RGS12: variants seen among roughly 807,000 people sequenced by gnomAD.
RGS12 encodes the protein regulator of G-protein signaling 12.
Under a neutral mutation model 120.1 loss-of-function variants are expected in RGS12, and 66 were observed. The ratio of observed to expected loss-of-function variants is 0.55; its 90% CI spans 0.45 to 0.67. The LOEUF (loss-of-function observed/expected upper bound fraction) is 0.67. RGS12 is among the 30% of genes least tolerant of loss of function. RGS12 has a pLI of 0.00. For synonymous variants in RGS12, 827 were observed against 804.7 expected (o/e 1.03, Z -0.47); for missense variants, 1,859 against 1,957.7 (o/e 0.95, Z 0.95).
At chr4:3,375,853 A>G (rs1717631963) in intron 3 of RGS12, among the ~76,000 whole-genome samples, 1 of 152,098 alleles carries the variant, frequency 6.6e-6, no homozygotes, top group Non-Finnish European at 1.5e-5. Flanking sequence ...TGACTTTTAC[A>G]CTCATCTTTC....
chr4:3,403,096 G>A (rs1241154108), intron 4 of RGS12, among the ~76,000 whole-genome samples: 2 of 152,188 alleles, frequency 1.3e-5, no homozygotes, highest in African/African-American at 2.4e-5. Flanking sequence ...CTGCTCACTC[G>A]CATGGCCTCA....
chr4:3,296,721 C>G (rs1415305346), intron 1 of RGS12, among the ~76,000 whole-genome samples: 1 of 152,238 alleles, frequency 6.6e-6, no homozygotes, highest in Non-Finnish European at 1.5e-5. Flanking sequence ...TGCCTCTTCT[C>G]TGGGATGGGC....
intron 4 of RGS12, among the ~76,000 whole-genome samples, chr4:3,411,050 C>T (rs562340755): frequency 1.3e-5 from 2 of 152,306 alleles, no homozygotes; most frequent in South Asian, 4.2e-4. Flanking sequence ...TGTCTTCCTT[C>T]CGGAGGCTTT....
intron 1 of RGS12, among the ~76,000 whole-genome samples, chr4:3,309,785 T>C (rs374927477): frequency 0.11 from 6,563 of 59,730 alleles, 1 homozygote; most frequent in African/African-American, 0.17. Context: ...GGCAGGTGTC[T>C]GCTGAGGGGA....
intron 2 of RGS12, among the ~76,000 whole-genome samples, chr4:3,341,055 G>C (rs1024904901): frequency 1.3e-5 from 2 of 151,218 alleles, no homozygotes; most frequent in Non-Finnish European, 2.9e-5. Context: ...GGGCCCAGTG[G>C]TGGCGTCCCT....
intron 1 of RGS12, among the ~76,000 whole-genome samples, chr4:3,307,298 G>C (rs1432326951): frequency 6.6e-6 from 1 of 152,222 alleles, no homozygotes; most frequent in African/African-American, 2.4e-5. Context: ...CGCACCGCTG[G>C]GGACAGGCCA....
chr4:3,439,127 G>A (rs974796356), intron 17 of RGS12, among the ~76,000 whole-genome samples: 2 of 152,030 alleles, frequency 1.3e-5, no homozygotes, highest in African/African-American at 4.8e-5. Context: ...GAATTAGGGG[G>A]GCAGTTGGGG....
chr4:3,291,733 CTT>C (rs957922601), upstream of RGS12, among the ~76,000 whole-genome samples: 15 of 151,404 alleles, frequency 9.9e-5, no homozygotes, highest in Non-Finnish European at 1.6e-4. Flanking sequence ...ATCTCTCTCT[CTT>C]TGTCTGGCTT....
At chr4:3,339,596 CCATGGTCTACAGTG>C (rs1264073088) in intron 2 of RGS12, among the ~76,000 whole-genome samples, 1 of 152,130 alleles carries the variant, frequency 6.6e-6, no homozygotes, top group African/African-American at 2.4e-5. Flanking sequence ...CAGATACTTG[CCATGGTCTACAGTG>C]CATAGCTGGG....
chr4:3,324,870 A>C (rs1725458187), intron 2 of RGS12: 1 of 152,218 alleles, frequency 6.6e-6, no homozygotes, highest in Non-Finnish European at 1.5e-5. Flanking sequence ...AGTGTTATTT[A>C]ATTTCTTAAA....
At position 3,316,716 on chromosome 4, in the gene RGS12, A is replaced by T; in HGVS notation, c.546A>T (p.Gly182=). ...SESAATRFDV[G]HESINNPNPN... ...CGGCCGCAACTCGATTTGATGTTGG[A>T]CATGAAAGTATAAATAATCCAAATC... The change falls in exon 2 of 18, where the codon GGA becomes GGT. Residue 182 remains glycine, a synonymous_variant. Coordinates refer to ENST00000336727, the MANE Select transcript of RGS12 (RefSeq NM_001394154.1). 2 of 1,614,210 alleles carry T rather than the reference A, an allele frequency of 1.2e-6. No homozygotes were observed.
chr4:3,294,129 T>A (rs1028833741), intron 1 of RGS12, among the ~76,000 whole-genome samples: 3 of 152,276 alleles, frequency 2.0e-5, no homozygotes, highest in African/African-American at 7.2e-5. Context: ...GACCTGTCTT[T>A]GGAGCTGCTG....
At chr4:3,386,305 C>G (rs1718848428) in intron 3 of RGS12, 111 bp from the exon 4 acceptor site, 1 of 1,047,768 alleles carries the variant, frequency 9.5e-7, no homozygotes, top group African/African-American at 1.6e-5. Context: ...TGGAGAGTGC[C>G]TCTGAGAACC....
At chr4:3,291,013 A>AC (rs1722991609), upstream of RGS12, among the ~76,000 whole-genome samples, 1 of 151,850 alleles carries the variant, frequency 6.6e-6, no homozygotes, top group Non-Finnish European at 1.5e-5. Flanking sequence ...TTCTTGGGCC[A>AC]CCCCCCTGCT....
chr4:3,419,700 C>T (rs1225886601), intron 9 of RGS12, among the ~76,000 whole-genome samples: 1 of 151,924 alleles, frequency 6.6e-6, no homozygotes, highest in Non-Finnish European at 1.5e-5. Context: ...CACCTGTTGC[C>T]CTAGCTACTG....
At chr4:3,288,046 C>T (rs187867588), upstream of RGS12, among the ~76,000 whole-genome samples, 195 of 152,360 alleles carry the variant, frequency 1.3e-3, no homozygotes, top group African/African-American at 4.1e-3. This position sits in a 1 kb window ranked among gnomAD's most constrained non-coding sequence, Gnocchi z 5.2. Flanking sequence ...ATGGCCGAGC[C>T]GTCGAGAGAC....
intron 1 of RGS12, among the ~76,000 whole-genome samples, chr4:3,298,792 T>C (rs1169184472): frequency 6.6e-6 from 1 of 152,248 alleles, no homozygotes; most frequent in Non-Finnish European, 1.5e-5. Flanking sequence ...TTTTAAAATT[T>C]CAGTTACAGT....
intron 4 of RGS12, among the ~76,000 whole-genome samples, chr4:3,411,052 G>C (rs1164133239): frequency 6.6e-6 from 1 of 152,078 alleles, no homozygotes; most frequent in Non-Finnish European, 1.5e-5. Flanking sequence ...TCTTCCTTCC[G>C]GAGGCTTTCC....
chr4:3,353,288 A>G (rs1714546622), intron 3 of RGS12, among the ~76,000 whole-genome samples: 1 of 152,104 alleles, frequency 6.6e-6, no homozygotes, highest in Admixed American at 6.5e-5. Context: ...CATCTTTCTG[A>G]TAGGAATGGA....
Sources: allele counts gnomAD v4.1 joint callset (sites outside exome capture counted in the v4.1 genomes callset), GRCh38; gene constraint gnomAD v4.1.1; non-coding constraint Gnocchi (gnomAD v3.1); transcripts MANE v1.5; gene names NCBI Gene and HGNC (gene_info 2026-07-23, HGNC 2026-07-21).